MYO3A: variants seen among roughly 807,000 people sequenced by gnomAD.
MYO3A encodes the protein myosin IIIA.
A neutral mutation model predicts 192.7 loss-of-function variants in MYO3A; 180 were observed. The ratio of observed to expected loss-of-function variants is 0.93; its 90% CI spans 0.83 to 1.06. The LOEUF is 1.06. Ranked by LOEUF, MYO3A falls within the 50% of genes least tolerant of loss-of-function variation. The probability of loss-of-function intolerance (pLI) is 0.00; values close to 1 mark genes in which losing one functional copy is unlikely to be tolerated. For missense variants in MYO3A, 1,896 were observed against 1,905.0 expected, an observed-to-expected ratio of 1.00 and a Z score of 0.09; for synonymous variants, 628 against 645.3, an observed-to-expected ratio of 0.97 and a Z score of 0.41.
intron 10 of MYO3A, among the ~76,000 whole-genome samples, chr10:26,043,832 A>T (rs72793966): frequency 2.0e-5 from 3 of 152,036 alleles, no homozygotes; most frequent in Non-Finnish European, 2.9e-5. Context: ...CTGGTACCTA[A>T]GATGCAAGAC....
At chr10:26,198,514 G>C (rs748884119) in intron 32 of MYO3A, among the ~76,000 whole-genome samples, 12 of 152,224 alleles carry the variant, frequency 7.9e-5, no homozygotes, top group Admixed American at 1.3e-4. Flanking sequence ...AGCTAGTTTG[G>C]CCACTCCAAA....
At chr10:25,953,130 G>C (rs1457388792) in intron 3 of MYO3A, among the ~76,000 whole-genome samples, 3 of 151,934 alleles carry the variant, frequency 2.0e-5, no homozygotes, top group Non-Finnish European at 4.4e-5. Flanking sequence ...TTGCACACAT[G>C]ATGGGAGCAT....
chr10:26,168,661 T>C (rs530008594), intron 27 of MYO3A, 51 bp from the exon 28 acceptor site: 2 of 1,561,984 alleles, frequency 1.3e-6, no homozygotes, highest in South Asian at 1.1e-5. Flanking sequence ...AGCACATAAC[T>C]GCTTCACATC....
intron 34 of MYO3A, among the ~76,000 whole-genome samples, chr10:26,205,164 T>C (rs568037095): frequency 6.6e-6 from 1 of 152,294 alleles, no homozygotes; most frequent in East Asian, 1.9e-4. Context: ...ACTTGTGGTA[T>C]AGAACATGAT....
intron 20 of MYO3A, among the ~76,000 whole-genome samples, chr10:26,140,641 C>T (rs1226495571): frequency 1.3e-5 from 2 of 149,758 alleles, no homozygotes; most frequent in African/African-American, 4.9e-5. Context: ...GCCGAGATGA[C>T]ACCACTGTAC....
intron 2 of MYO3A, among the ~76,000 whole-genome samples, chr10:25,936,251 A>G (rs572774822): frequency 6.6e-6 from 1 of 151,548 alleles, no homozygotes; most frequent in East Asian, 1.9e-4. Context: ...TTTTGCATAT[A>G]TTCTTTGAAA....
chr10:25,950,644 C>CCTTTTT (rs1837151741), intron 2 of MYO3A, among the ~76,000 whole-genome samples: 1 of 152,018 alleles, frequency 6.6e-6, no homozygotes, highest in South Asian at 2.1e-4. Context: ...AAGGGAGGAA[C>CCTTTTT]AAGAGTGTTT....
chr10:26,067,238 C>T (rs1289721098), intron 11 of MYO3A, among the ~76,000 whole-genome samples, 164 bp downstream of exon 11: 1 of 152,198 alleles, frequency 6.6e-6, no homozygotes, highest in Non-Finnish European at 1.5e-5. Flanking sequence ...CTCATGCTTT[C>T]TTTGTCTCTT....
At chr10:25,989,570 G>A (rs888789107) in intron 4 of MYO3A, among the ~76,000 whole-genome samples, 1 of 152,120 alleles carries the variant, frequency 6.6e-6, no homozygotes, top group East Asian at 1.9e-4. Context: ...TTAACATGAA[G>A]ATGATACTAC....
chr10:26,120,650 G>A (rs1465545561), intron 17 of MYO3A, 26 bp from the exon 18 acceptor site: 1 of 1,613,586 alleles, frequency 6.2e-7, no homozygotes, highest in Admixed American at 1.7e-5. Flanking sequence ...AAAGAATGAT[G>A]CCAATGTTTC....
chr10:25,988,037 T>C (rs1839762023), intron 4 of MYO3A, among the ~76,000 whole-genome samples: 1 of 152,138 alleles, frequency 6.6e-6, no homozygotes, highest in Non-Finnish European at 1.5e-5. Flanking sequence ...GGGAATGAAA[T>C]AATGGCATTC....
At position 26,212,091 on chromosome 10, in the gene MYO3A, C is replaced by A. The variant is rs1844246848; in HGVS notation, c.*128C>A. On this transcript the variant is annotated 3_prime_UTR_variant, in exon 35 of 35. Transcript: ENST00000642920. ...GCGGCCCTGATCTCCGCAGAGGCTG[C>A]CTGCTGCGCTCGGCCCTCAAGTGCC... is the stretch of plus-strand genomic sequence containing the variant. 2 of 1,357,028 alleles carry A rather than the reference C, an allele frequency of 1.5e-6. No individual in the cohort carries two copies. The highest frequency in any genetic ancestry group is 2.0e-6 in the Non-Finnish European group (2 of 1,017,078). The allele number at this position is 1,357,028 out of a possible 1,614,324, so 84.1% of individuals were successfully genotyped here. A position where few individuals can be genotyped will look rare whatever the true frequency, so the allele number is the denominator to read the frequency against.
At chr10:25,967,262 A>G (rs991588613) in intron 4 of MYO3A, among the ~76,000 whole-genome samples, 2 of 152,226 alleles carry the variant, frequency 1.3e-5, no homozygotes, top group Non-Finnish European at 2.9e-5. Context: ...GAAAGAATCA[A>G]TGTAGGGCTG....
intron 10 of MYO3A, among the ~76,000 whole-genome samples, chr10:26,040,764 A>G (rs927838382): frequency 2.0e-5 from 3 of 152,226 alleles, no homozygotes; most frequent in African/African-American, 7.2e-5. Context: ...AAGATGCTTG[A>G]TATTATTTCC....
At chr10:26,063,608 C>A (rs976248836) in intron 10 of MYO3A, among the ~76,000 whole-genome samples, 25 of 152,182 alleles carry the variant, frequency 1.6e-4, no homozygotes, top group African/African-American at 6.0e-4. Flanking sequence ...GGCCAGCACA[C>A]AAATGAATGA....
intron 34 of MYO3A, among the ~76,000 whole-genome samples, chr10:26,205,663 C>T (rs1344699648): frequency 7.9e-6 from 1 of 125,816 alleles, no homozygotes; most frequent in African/African-American, 3.2e-5. Context: ...GTCGCCCAGG[C>T]TGGAATGCAG....
At chr10:26,060,301 ATT>A (rs1491356314) in intron 10 of MYO3A, among the ~76,000 whole-genome samples, 1,498 of 67,634 alleles carry the variant, frequency 0.022, 18 homozygotes, top group Middle Eastern at 0.073. Context: ...AAATAAATAA[ATT>A]TAAAAAATAC....
intron 10 of MYO3A, among the ~76,000 whole-genome samples, chr10:26,055,111 A>C (rs1009991040): frequency 6.6e-6 from 1 of 152,154 alleles, no homozygotes; most frequent in African/African-American, 2.4e-5. Context: ...AGTGGTGCTA[A>C]CCCTAGAGCT....
intron 10 of MYO3A, among the ~76,000 whole-genome samples, chr10:26,037,260 G>A (rs1843086036): frequency 6.6e-6 from 1 of 152,200 alleles, no homozygotes; most frequent in Non-Finnish European, 1.5e-5. Context: ...CCAGTGCTGA[G>A]TCTAGTACTT....
Sources: gnomAD v4.1 joint callset for allele counts (sites outside exome capture counted in the v4.1 genomes callset) on GRCh38, gnomAD v4.1.1 for gene constraint, MANE v1.5 for transcripts, NCBI Gene and HGNC (gene_info 2026-07-23, HGNC 2026-07-21) for gene names.